The following LRRK1 variants were observed in gnomAD, a reference collection of about 807,000 sequenced individuals.
The protein encoded by LRRK1 is leucine rich repeat kinase 1.
Under a neutral mutation model 209.1 loss-of-function variants are expected in LRRK1, and 113 were observed. The observed-to-expected ratio is 0.54, with a 90% CI of 0.46 to 0.63. The LOEUF is 0.63. Ranked by LOEUF, LRRK1 falls within the 30% of genes least tolerant of loss-of-function variation. The pLI is 0.00. For missense variants in LRRK1, 2,284 were observed against 2,632.2 expected, an observed-to-expected ratio of 0.87 and a Z score of 2.89; for synonymous variants, 1,144 against 1,099.7, an observed-to-expected ratio of 1.04 and a Z score of -0.80.
rs1888804042 is a variant in LRRK1, at chr15:100,919,441, C to T, written c.-133C>T. The T allele has an allele frequency of 6.7e-6, 1 of 148,868 alleles. No individual in the cohort carries two copies. Among genetic ancestry groups the T allele is most frequent in the Admixed American group, 6.7e-5 (1 of 14,884 alleles). The allele number at this position is 148,868 out of a possible 1,614,324, so 9.2% of individuals were successfully genotyped here. On this transcript the variant is annotated 5_prime_UTR_variant, in exon 1 of 34. Transcript: ENST00000388948. This position sits in a 1 kb window ranked among gnomAD's most constrained non-coding sequence, Gnocchi z 5.8. Reference sequence around the variant, plus strand: ...CCGGAGCGCCCGCACCCGGCCCCGCCGCCGCCTCAGGTAAGCGCCGCTCCT... The same window carrying T: ...CCGGAGCGCCCGCACCCGGCCCCGCTGCCGCCTCAGGTAAGCGCCGCTCCT...
At chr15:101,064,417 G>A in intron 31 of LRRK1, 1 of 153,278 alleles carries the variant, frequency 6.5e-6, no homozygotes, top group Non-Finnish European at 1.5e-5. Context: ...CCCCACCACA[G>A]CCGACGCGGT....
chr15:101,050,511 G>A (rs995312090), intron 23 of LRRK1, among the ~76,000 whole-genome samples: 2 of 151,626 alleles, frequency 1.3e-5, no homozygotes, highest in African/African-American at 4.9e-5. Flanking sequence ...TGTGGGACAG[G>A]CTGCCCGAGA....
intron 2 of LRRK1, among the ~76,000 whole-genome samples, chr15:100,940,043 A>G (rs1438277665): frequency 6.6e-6 from 1 of 152,192 alleles, no homozygotes; most frequent in East Asian, 1.9e-4. Flanking sequence ...TGATGTGACA[A>G]GACATCCAGG....
chr15:101,069,598 A>G lies in LRRK1; in HGVS notation c.*750A>G, dbSNP rs1313064389. 2 of 152,688 alleles carry G rather than the reference A, an allele frequency of 1.3e-5. No individual in the cohort carries two copies. The highest frequency in any genetic ancestry group is 4.8e-5 in the African/African-American group (2 of 41,474). 9.5% of individuals were successfully genotyped at this position (152,688 alleles called of 1,614,324 possible). A position where few individuals can be genotyped will look rare whatever the true frequency, so the allele number is the denominator to read the frequency against. On this transcript the variant is annotated 3_prime_UTR_variant, in exon 34 of 34. Transcript: ENST00000388948. ...AAACTCAATCAGCAGGACTTCAGAA[A>G]GGGCCTTGTGTTTATAGCTTTGTCA...
chr15:101,031,006 T>C (rs2034256390), intron 20 of LRRK1, among the ~76,000 whole-genome samples: 1 of 152,308 alleles, frequency 6.6e-6, no homozygotes, highest in Non-Finnish European at 1.5e-5. Context: ...ACATACGATG[T>C]TGGGTTTCCC....
At chr15:101,053,662 G>A (rs1034042742) in intron 26 of LRRK1, among the ~76,000 whole-genome samples, 3 of 152,242 alleles carry the variant, frequency 2.0e-5, no homozygotes. Flanking sequence ...AGGCTCTGCC[G>A]CGGTCCGGAA....
At position 101,070,308 on chromosome 15, in the gene LRRK1, C is replaced by CTTTTTT. The variant is rs529158728; in HGVS notation, c.*1481_*1486dup. 1.1e-5 allele frequency: 1 copy of CTTTTTT among 94,832 alleles called. No homozygotes were observed. The allele number at this position is 94,832 out of a possible 1,614,324, so 5.9% of individuals were successfully genotyped here. A position where few individuals can be genotyped will look rare whatever the true frequency, so the allele number is the denominator to read the frequency against. Reference sequence around the variant, plus strand: ...CTTGGAAAAAGCGAGTCCCCCCACTCTTTTTTTTTTTTTTTTTTTTTTTTT... The same window carrying CTTTTTT: ...CTTGGAAAAAGCGAGTCCCCCCACTCTTTTTTTTTTTTTTTTTTTTTTTTTTTTTTT... On this transcript the variant is annotated 3_prime_UTR_variant, in exon 34 of 34. Coordinates refer to ENST00000388948, the MANE Select transcript of LRRK1 (RefSeq NM_024652.6).
At position 100,986,085 on chromosome 15, in the gene LRRK1, A is replaced by G. The variant is rs146767887; in HGVS notation, c.433+2386A>G. 9.8e-5 allele frequency among the ~76,000 whole-genome samples: 15 copies of G among 152,326 alleles called. No homozygotes were observed. The East Asian group carries it at 2.7e-3, about 27-fold the overall frequency. On this transcript the variant is annotated intron_variant, in intron 4 of 33. Transcript: ENST00000388948. ...ACCAGGCATGGTGGCACATGCCTAT[A>G]TTCCCAGGTACTTGGGAGGGTGAAG...
At position 101,061,413 on chromosome 15, in the gene LRRK1, C is replaced by T. The variant is rs2036172431; in HGVS notation, c.4797+125C>T. On this transcript the variant is annotated intron_variant, in intron 30 of 33. Coordinates refer to ENST00000388948, the MANE Select transcript of LRRK1 (RefSeq NM_024652.6). Reference sequence around the variant, plus strand: ...AAGTGAACTTTCAGATAACCCCCAGCGCATCCCCGTGCAGTCCCCAAGTAA... The same window carrying T: ...AAGTGAACTTTCAGATAACCCCCAGTGCATCCCCGTGCAGTCCCCAAGTAA... The T allele has an allele frequency of 6.0e-6, 4 of 664,436 alleles. No homozygotes were observed. The East Asian group carries it at 8.2e-5, about 14-fold the overall frequency. The allele number at this position is 664,436 out of a possible 1,614,324, so 41.2% of individuals were successfully genotyped here. A position where few individuals can be genotyped will look rare whatever the true frequency, so the allele number is the denominator to read the frequency against.
rs2035474283 is a variant in LRRK1, at chr15:101,051,922, G to C, written c.3651G>C (p.Glu1217Asp). The change falls in exon 24 of 34, where the codon GAG becomes GAC. Residue 1217 changes from glutamate to aspartate, a missense_variant. By Grantham distance (45) the Glu-to-Asp change is conservative. Around this residue, in one of 6 missense-constraint regions of LRRK1, gnomAD observed 780 missense variants for 985.2 expected, o/e 0.79. Coordinates refer to ENST00000388948, the MANE Select transcript of LRRK1 (RefSeq NM_024652.6). ...CGGACCTCCCCGTGCCGCTGCAGGA[G>C]CTGGTCCCTGAACTGTTCATGACCG... is the stretch of plus-strand genomic sequence containing the variant. The part of the protein sequence containing the change: ...RHPDLPVPLQ[E>D]LVPELFMTDF... 2 of 1,613,842 alleles carry C rather than the reference G, an allele frequency of 1.2e-6. No homozygotes were observed. The highest frequency in any genetic ancestry group is 1.7e-6 in the Non-Finnish European group (2 of 1,180,036).
chr15:101,011,474 CAAAAAAAAAA>C (rs35220453), intron 9 of LRRK1, among the ~76,000 whole-genome samples: 1 of 78,230 alleles, frequency 1.3e-5, no homozygotes, highest in African/African-American at 5.3e-5. Context: ...GACTCTGTCT[CAAAAAAAAAA>C]AAAAAAAAGC....
chr15:101,026,361 C>G (rs1026422099), intron 17 of LRRK1, among the ~76,000 whole-genome samples: 1 of 152,238 alleles, frequency 6.6e-6, no homozygotes, highest in Non-Finnish European at 1.5e-5. Flanking sequence ...TCCTTTCTGC[C>G]CCATCCCCGC....
chr15:100,936,751 G>T (rs1457774597), intron 2 of LRRK1, among the ~76,000 whole-genome samples: 2 of 152,216 alleles, frequency 1.3e-5, no homozygotes, highest in African/African-American at 4.8e-5. Flanking sequence ...GGGAAACTGA[G>T]CTTGGGTGCT....
intron 4 of LRRK1, 25 bp downstream of exon 4, chr15:100,983,724 A>C (rs773662014): frequency 1.2e-6 from 2 of 1,610,630 alleles, no homozygotes; most frequent in Non-Finnish European, 1.7e-6. Flanking sequence ...ATGAGCTCTT[A>C]ACCGTGTCTC....
chr15:100,959,879 A>G (rs1442214924), intron 2 of LRRK1, among the ~76,000 whole-genome samples: 2 of 152,100 alleles, frequency 1.3e-5, no homozygotes, highest in African/African-American at 4.8e-5. Flanking sequence ...GTTTTCACAC[A>G]GTTCTCAGTA....
rs370748494 is a variant in LRRK1 at position 101,013,946 on chromosome 15, C to G, written c.1420-370C>G. On this transcript the variant is annotated intron_variant, in intron 10 of 33. Coordinates refer to ENST00000388948, the MANE Select transcript of LRRK1 (RefSeq NM_024652.6). ...TACTGCATGCCCCATGCCACCCCCA[C>G]CAGCCGTGAGCCGTTGTCCTCCAAA... is the stretch of plus-strand genomic sequence containing the variant. Among the ~76,000 whole-genome samples, 27 of 152,314 alleles carry G rather than the reference C, an allele frequency of 1.8e-4. No homozygotes were observed. The East Asian group carries it at 4.7e-3, about 26-fold the overall frequency.
At position 100,973,973 on chromosome 15, in the gene LRRK1, G is replaced by A. The variant is rs56009312; in HGVS notation, c.261+6G>A. The A allele has an allele frequency of 3.9e-4, 481 of 1,247,410 alleles. 2 individuals carry two copies. In the East Asian group the frequency reaches 0.015, roughly 39 times the overall value. 77.3% of individuals were successfully genotyped at this position (1,247,410 alleles called of 1,614,324 possible). ...GCGCGTCCCAGCTGGAAAAGGTAGG[G>A]GAGCGCCTGCCCCTGCGGCCACCCA... On this transcript the variant is annotated splice_donor_region_variant and intron_variant, in intron 3 of 33. Coordinates refer to ENST00000388948, the MANE Select transcript of LRRK1 (RefSeq NM_024652.6).
intron 20 of LRRK1, among the ~76,000 whole-genome samples, chr15:101,030,096 A>C (rs1208293292): frequency 6.6e-6 from 1 of 152,004 alleles, no homozygotes; most frequent in African/African-American, 2.4e-5. Flanking sequence ...CCCAGTCCTA[A>C]ACTGCAAACA....
intron 13 of LRRK1, among the ~76,000 whole-genome samples, chr15:101,021,475 A>G (rs2033782336): frequency 6.6e-6 from 1 of 152,186 alleles, no homozygotes; most frequent in Non-Finnish European, 1.5e-5. Context: ...AGCTACTGCC[A>G]GGGGTTCTAG....
Sources: gnomAD v4.1 joint callset for allele counts (sites outside exome capture counted in the v4.1 genomes callset) on GRCh38, gnomAD v4.1.1 for gene constraint, gnomAD v4.1.1 regional missense constraint, Gnocchi (gnomAD v3.1) non-coding constraint, MANE v1.5 for transcripts, NCBI Gene and HGNC (gene_info 2026-07-23, HGNC 2026-07-21) for gene names.